MASP1: variants seen among roughly 807,000 people sequenced by gnomAD.
The protein encoded by MASP1 is mannan-binding lectin serine protease 1.
Under a neutral mutation model 77.1 loss-of-function variants are expected in MASP1, and 59 were observed. The observed-to-expected ratio is 0.77, with a 90% confidence interval of 0.62 to 0.95. The LOEUF (loss-of-function observed/expected upper bound fraction) is 0.95, where lower values mean the gene tolerates loss of function less well. Among genes scored for constraint, MASP1 ranks in the 40% least tolerant of loss-of-function variants. The pLI, the probability that MASP1 is intolerant of heterozygous loss-of-function variation, is 0.00. For synonymous variants in MASP1, 362 were observed against 354.5 expected (o/e 1.02, Z -0.24); for missense variants, 885 against 912.9 (o/e 0.97, Z 0.39).
chr3:187,225,439 G>A (rs754848381), exon 13 of MASP1: 3 of 1,614,192 alleles, frequency 1.9e-6, no homozygotes, highest in South Asian at 2.2e-5. Flanking sequence ...GATCATACTG[G>A]GGGTGGAGAG....
Position 187,236,433 on chromosome 3 carries a change from A to T in MASP1, c.1438T>A (p.Trp480Arg). The change falls in exon 11 of 11, where the codon TGG becomes AGG. Residue 480 changes from tryptophan (W) to arginine (R), a missense_variant. Trp to Arg is a moderately radical substitution (Grantham distance 101). Transcript: ENST00000296280. ...GAGAGCAGGGCCCCACTCCCAAACC[A>T]CTTGTCATTTGGCACTCTCGAAGTG... ...EDTSRVPNDKWFGSGALLSAS... is the reference protein window; with the variant it reads ...EDTSRVPNDKRFGSGALLSAS... 15 of 1,614,016 alleles carry T rather than the reference A, an allele frequency of 9.3e-6. No homozygotes were observed. Among genetic ancestry groups the T allele is most frequent in the Non-Finnish European group, 1.3e-5 (15 of 1,179,986 alleles).
intron 2 of MASP1, among the ~76,000 whole-genome samples, chr3:187,280,529 T>C (rs1053009029): frequency 4.6e-5 from 7 of 152,226 alleles, no homozygotes; most frequent in African/African-American, 7.2e-5. Flanking sequence ...ATAGTTTCTT[T>C]GTAAGTATAA....
intron 2 of MASP1, among the ~76,000 whole-genome samples, chr3:187,269,757 G>A (rs948850010): frequency 6.6e-6 from 1 of 152,108 alleles, no homozygotes; most frequent in Non-Finnish European, 1.5e-5. Context: ...ATTCTATTGT[G>A]GTTATCTTAT....
chr3:187,239,251 G>A (rs752218397), intron 10 of MASP1, among the ~76,000 whole-genome samples: 7 of 151,982 alleles, frequency 4.6e-5, no homozygotes, highest in Non-Finnish European at 8.8e-5. Context: ...TACTCGAGAG[G>A]CTGAGGCAAG....
chr3:187,265,392 G>A (rs550520486), intron 2 of MASP1, among the ~76,000 whole-genome samples: 6 of 152,164 alleles, frequency 3.9e-5, no homozygotes, highest in African/African-American at 9.7e-5. Context: ...TCCTTGTAAC[G>A]TCTGGGCTGA....
At chr3:187,253,074 A>C in intron 6 of MASP1, 94 bp downstream of exon 6, 2 of 1,539,222 alleles carry the variant, frequency 1.3e-6, no homozygotes, top group South Asian at 1.1e-5. Flanking sequence ...AGGTCTCCAG[A>C]GGAGATCCAA....
At position 187,250,392 on chromosome 3, in the gene MASP1, T is replaced by G. The variant is rs957595449; in HGVS notation, c.1012-63A>C. On this transcript the variant is annotated intron_variant, in intron 7 of 10. Transcript: ENST00000296280. ...GGTGGGGGTGGTGTCAGGGGTTTTT[T>G]CCTAGCAAAACCAACTCAAGCTCCA... The G allele has an allele frequency of 3.1e-6, 4 of 1,277,016 alleles. No individual in the cohort carries two copies. In the Admixed American group the frequency reaches 6.7e-5, roughly 21 times the overall value. 79.1% of individuals were successfully genotyped at this position (1,277,016 alleles called of 1,614,324 possible). A position where few individuals can be genotyped will look rare whatever the true frequency, so the allele number is the denominator to read the frequency against.
At chr3:187,223,099 T>A in intron 14 of MASP1, 17 of 1,596,430 alleles carry the variant, frequency 1.1e-5, no homozygotes, top group Non-Finnish European at 1.5e-5. Context: ...GAGGTGTCAC[T>A]GTCTGTAGGT....
rs1381644587 is a variant in MASP1, at chr3:187,253,374, G to T, written c.745-59C>A. ...GTGTTCCATCTGAGCAGCCAAAATG[G>T]CCACTGCAGGTAACACCTCTCCACT... On this transcript the variant is annotated intron_variant, in intron 5 of 10. Coordinates refer to ENST00000296280, the MANE Select transcript of MASP1 (RefSeq NM_139125.4). The T allele has an allele frequency of 2.5e-6, 4 of 1,575,610 alleles. No homozygotes were observed. In the African/African-American group the frequency reaches 5.4e-5, roughly 21 times the overall value.
At position 187,235,361 on chromosome 3, in the gene MASP1, G is replaced by A. The variant is rs72549263; in HGVS notation, c.*323C>T. ...TGGTCAGGAGTGAATAAAGGCCACT[G>A]GGGTAAGAAGCATGGCCTGGAAAGG... On this transcript the variant is annotated 3_prime_UTR_variant, in exon 11 of 11. Transcript: ENST00000296280. 15 of 1,411,974 alleles carry A rather than the reference G, an allele frequency of 1.1e-5. No homozygotes were observed. In the East Asian group the frequency reaches 4.5e-4, roughly 42 times the overall value. The allele number at this position is 1,411,974 out of a possible 1,614,324, so 87.5% of individuals were successfully genotyped here.
chr3:187,221,005 C>T (rs1220940274), intron 15 of MASP1: 18 of 1,569,186 alleles, frequency 1.1e-5, no homozygotes, highest in Non-Finnish European at 1.4e-5. Flanking sequence ...GCTGGCAGCG[C>T]CCCTGTTGTA....
intron 15 of MASP1, chr3:187,220,944 AC>A (rs1482565201): frequency 1.9e-6 from 2 of 1,039,082 alleles, no homozygotes; most frequent in Non-Finnish European, 3.0e-6. Context: ...CTGCCAGCCC[AC>A]CAGGTTGGGA....
Position 187,260,727 on chromosome 3 carries a change from T to C in MASP1, c.547+14A>G, listed in dbSNP as rs72549251. ...CCTATAAGGGCAATGCATACAATCATTGGTAGGCTCTACCTCGGCAGGTCC... is the reference window on the plus strand; with the variant it reads ...CCTATAAGGGCAATGCATACAATCACTGGTAGGCTCTACCTCGGCAGGTCC... On this transcript the variant is annotated intron_variant, in intron 4 of 10. Transcript: ENST00000296280. 22,655 of 1,614,132 alleles carry C rather than the reference T, an allele frequency of 0.014. 185 individuals are homozygous for C. Among genetic ancestry groups the C allele is most frequent in the Non-Finnish European group, 0.017 (20,279 of 1,180,000 alleles).
rs376239932 is a variant in MASP1, at chr3:187,241,470, G to C, written c.1303+11C>G. On this transcript the variant is annotated intron_variant, in intron 10 of 10. Transcript: ENST00000296280. ...AAAACTGTGAGGCAAAGGATTTGGA[G>C]GGTGAGGTACCTGGAAGGCAGGTGG... 1 of 1,612,340 alleles carries C rather than the reference G, an allele frequency of 6.2e-7. No individual in the cohort carries two copies. The highest frequency in any genetic ancestry group is 8.5e-7 in the Non-Finnish European group (1 of 1,178,398).
intron 8 of MASP1, chr3:187,243,988 A>G (rs1219396264): frequency 3.4e-6 from 1 of 294,818 alleles, no homozygotes; most frequent in Non-Finnish European, 6.6e-6. Context: ...TCTTCTGCCC[A>G]AGAATGAAGC....
intron 2 of MASP1, among the ~76,000 whole-genome samples, chr3:187,273,897 T>G (rs1272764599): frequency 1.3e-5 from 2 of 152,192 alleles, no homozygotes; most frequent in African/African-American, 4.8e-5. Context: ...GGCTCAAGTC[T>G]TTCGGCCATA....
chr3:187,260,802 G>A lies in MASP1; in HGVS notation c.486C>T (p.Gly162=), dbSNP rs779680194. The A allele has an allele frequency of 5.6e-6, 9 of 1,614,032 alleles. No individual in the cohort carries two copies. Among genetic ancestry groups the A allele is most frequent in the Non-Finnish European group, 5.9e-6 (7 of 1,180,028 alleles). Residue 162 remains glycine, a synonymous_variant, in exon 4 of 11, where the codon GGC becomes GGT. Coordinates refer to ENST00000296280, the MANE Select transcript of MASP1 (RefSeq NM_139125.4). ...SCDHYCHNYI[G]GYYCSCRFGY... ...CGAAGCGGCAGGAGCAGTAGTAGCC[G>A]CCAATGTAGTTGTGGCAGTAGTGGT...
intron 2 of MASP1, among the ~76,000 whole-genome samples, chr3:187,265,257 T>C (rs1715922503): frequency 6.6e-6 from 1 of 152,232 alleles, no homozygotes; most frequent in South Asian, 2.1e-4. Context: ...GGCTTCTTTC[T>C]GGAACTTGGT....
At chr3:187,273,843 G>C (rs894808667) in intron 2 of MASP1, among the ~76,000 whole-genome samples, 2 of 152,212 alleles carry the variant, frequency 1.3e-5, no homozygotes, top group African/African-American at 4.8e-5. Flanking sequence ...CTAAGCTCAA[G>C]TTGACTTCAA....
Sources: allele counts gnomAD v4.1 joint callset (sites outside exome capture counted in the v4.1 genomes callset), GRCh38; gene constraint gnomAD v4.1.1; transcripts MANE v1.5; gene names NCBI Gene and HGNC (gene_info 2026-07-23, HGNC 2026-07-21).